Variants in FYB1 observed in about 807,000 individuals in gnomAD.
The protein encoded by FYB1 is FYN binding protein 1, also known as FYN-binding protein 1.
In FYB1, 41 loss-of-function variants were observed where a neutral mutation model predicts 94.1. The observed-to-expected ratio is 0.44, with a 90% CI of 0.34 to 0.57. The LOEUF (loss-of-function observed/expected upper bound fraction) is 0.57, where lower values mean the gene tolerates loss of function less well. Ranked by LOEUF, FYB1 falls within the 20% of genes least tolerant of loss-of-function variation. FYB1 has a pLI of 0.02. For synonymous variants in FYB1, 367 were observed against 353.2 expected (o/e 1.04, Z -0.44); for missense variants, 1,050 against 976.8 (o/e 1.07, Z -1.00).
At chr5:39,204,285 G>A (rs150554873) in intron 1 of FYB1, among the ~76,000 whole-genome samples, 135 of 152,102 alleles carry the variant, frequency 8.9e-4, no homozygotes, top group African/African-American at 1.1e-3. Flanking sequence ...ATATCATCCC[G>A]TCTCATTCTT....
chr5:39,170,312 C>A, intron 2 of FYB1: 1 of 1,382,494 alleles, frequency 7.2e-7, no homozygotes. Flanking sequence ...GTCTTTCCAG[C>A]AAGATCAACA....
chr5:39,274,156 C>T (rs1297933065), intron 1 of FYB1, among the ~76,000 whole-genome samples: 1 of 152,192 alleles, frequency 6.6e-6, no homozygotes, highest in East Asian at 1.9e-4. Context: ...AACTCCTTAC[C>T]TTATGATCCA....
Position 39,165,148 on chromosome 5 carries a change from T to G in FYB1, c.1136-11544A>C, listed in dbSNP as rs1219322931. Among the ~76,000 whole-genome samples, 3 of 152,254 alleles carry G rather than the reference T, an allele frequency of 2.0e-5. No individual in the cohort carries two copies. The East Asian group carries it at 5.8e-4, about 29-fold the overall frequency. On this transcript the variant is annotated intron_variant, in intron 2 of 18. Coordinates refer to ENST00000512982, the MANE Select transcript of FYB1 (RefSeq NM_001465.6). ...TGCTTACAAAAAATAATCATAAAAT[T>G]CATATGGAAGCAAAAAGAGCCCTGA... is the stretch of plus-strand genomic sequence containing the variant.
In FYB1 at chr5:39,107,319, T is replaced by C; in HGVS notation, c.*124A>G. On this transcript the variant is annotated 3_prime_UTR_variant, in exon 19 of 19. Transcript: ENST00000512982. ...AACACTTTGTAAAGATAATTGGGAT[T>C]TCATAACAAATGATAATAAGTGGTT... is the stretch of plus-strand genomic sequence containing the variant. 3.5e-6 allele frequency: 2 copies of C among 576,872 alleles called. No individual in the cohort carries two copies. Among genetic ancestry groups the C allele is most frequent in the Non-Finnish European group, 5.9e-6 (2 of 341,658 alleles). The allele number at this position is 576,872 out of a possible 1,614,324, so 35.7% of individuals were successfully genotyped here. A position where few individuals can be genotyped will look rare whatever the true frequency, so the allele number is the denominator to read the frequency against.
At chr5:39,135,354 T>C (rs1271880789) in intron 7 of FYB1, among the ~76,000 whole-genome samples, 7 of 152,266 alleles carry the variant, frequency 4.6e-5, no homozygotes, top group African/African-American at 1.7e-4. Context: ...GTGTGCTATG[T>C]ATCTTTATGG....
intron 2 of FYB1, among the ~76,000 whole-genome samples, chr5:39,197,228 C>G (rs540115257): frequency 5.9e-5 from 9 of 152,184 alleles, no homozygotes; most frequent in African/African-American, 2.2e-4. Context: ...ATTTTGCTCC[C>G]GTCAATAACT....
chr5:39,243,471 G>A (rs1751314293), intron 1 of FYB1, among the ~76,000 whole-genome samples: 1 of 151,830 alleles, frequency 6.6e-6, no homozygotes, highest in African/African-American at 2.4e-5. Context: ...TATTATTTCT[G>A]AGGGCTCTGT....
chr5:39,181,432 G>A (rs1746219009), intron 2 of FYB1, among the ~76,000 whole-genome samples: 1 of 151,982 alleles, frequency 6.6e-6, no homozygotes, highest in Non-Finnish European at 1.5e-5. Flanking sequence ...TACTATATAG[G>A]ACAGTATAGA....
intron 1 of FYB1, among the ~76,000 whole-genome samples, chr5:39,227,131 G>A (rs779008286): frequency 4.6e-5 from 7 of 152,030 alleles, no homozygotes; most frequent in Admixed American, 3.9e-4. Context: ...ACTCACATAC[G>A]TTCATATAAA....
At chr5:39,194,570 G>A (rs955452063) in intron 2 of FYB1, among the ~76,000 whole-genome samples, 2 of 151,316 alleles carry the variant, frequency 1.3e-5, no homozygotes, top group African/African-American at 4.9e-5. Context: ...AAGGAAAGAA[G>A]GAAGGAAGGA....
At chr5:39,152,028 C>T (rs956278570) in intron 3 of FYB1, among the ~76,000 whole-genome samples, 1 of 152,130 alleles carries the variant, frequency 6.6e-6, no homozygotes, top group African/African-American at 2.4e-5. Flanking sequence ...GAGATTTCTT[C>T]GTTGTGGAAT....
chr5:39,162,169 CTA>C (rs1056581798), intron 2 of FYB1, among the ~76,000 whole-genome samples: 2 of 152,102 alleles, frequency 1.3e-5, no homozygotes, highest in African/African-American at 4.8e-5. Flanking sequence ...TCGTGTGGAC[CTA>C]TGTTTTCATT....
chr5:39,120,434 G>A (rs1330917350), intron 14 of FYB1, among the ~76,000 whole-genome samples: 2 of 152,084 alleles, frequency 1.3e-5, no homozygotes, highest in Non-Finnish European at 2.9e-5. Flanking sequence ...CTAAAACAGT[G>A]ATTTTTGTAG....
intron 1 of FYB1, among the ~76,000 whole-genome samples, chr5:39,243,548 G>T (rs957667339): frequency 6.6e-6 from 1 of 152,062 alleles, no homozygotes; most frequent in African/African-American, 2.4e-5. Context: ...CTGTAGCCTT[G>T]TAGTATAGTT....
upstream of FYB1, among the ~76,000 whole-genome samples, chr5:39,223,481 C>T (rs1415232214): frequency 6.6e-6 from 1 of 152,160 alleles, no homozygotes; most frequent in Non-Finnish European, 1.5e-5. Context: ...TAAAGGCCTT[C>T]ATAAATTACA....
chr5:39,202,759 G>T lies in FYB1; in HGVS notation c.202C>A (p.Pro68Thr). The part of the protein sequence containing the change: ...GSPKPPVAVK[P>T]SSEEKPDKEP... ...TTGTCAGGCTTTTCCTCAGAAGAAG[G>T]TTTGACTGCCACAGGTGGCTTTGGG... is the stretch of plus-strand genomic sequence containing the variant. The change falls in exon 2 of 19, where the codon CCT (proline) becomes ACT (threonine). Residue 68 changes from proline to threonine, a missense_variant. By Grantham distance (38) the Pro-to-Thr change is conservative. Coordinates refer to ENST00000512982, the MANE Select transcript of FYB1 (RefSeq NM_001465.6). 6.2e-7 allele frequency: 1 copy of T among 1,613,946 alleles called. No homozygotes were observed. The highest frequency in any genetic ancestry group is 8.5e-7 in the Non-Finnish European group (1 of 1,179,872).
At chr5:39,156,073 A>G (rs944314266) in intron 2 of FYB1, among the ~76,000 whole-genome samples, 1 of 152,148 alleles carries the variant, frequency 6.6e-6, no homozygotes, top group Non-Finnish European at 1.5e-5. Flanking sequence ...TTATCCTCTC[A>G]TGGAAAAGAT....
intron 1 of FYB1, among the ~76,000 whole-genome samples, chr5:39,274,034 C>T (rs948382936): frequency 6.6e-6 from 1 of 152,020 alleles, no homozygotes; most frequent in Non-Finnish European, 1.5e-5. Context: ...AAGCAATTCT[C>T]CTGCCTCAGC....
intron 2 of FYB1, among the ~76,000 whole-genome samples, chr5:39,166,605 C>T (rs551629376): frequency 1.8e-4 from 27 of 152,050 alleles, no homozygotes; most frequent in African/African-American, 4.1e-4. Flanking sequence ...ATGTGGTATA[C>T]GTGGAATACT....
Sources: allele counts gnomAD v4.1 joint callset (sites outside exome capture counted in the v4.1 genomes callset), GRCh38; gene constraint gnomAD v4.1.1; transcripts MANE v1.5; gene names NCBI Gene and HGNC (gene_info 2026-07-23, HGNC 2026-07-21).